The following P4HA1 variants were observed in gnomAD, a reference collection of about 807,000 sequenced individuals.
The protein encoded by P4HA1 is prolyl 4-hydroxylase subunit alpha 1, also known as prolyl 4-hydroxylase subunit alpha-1.
Under a neutral mutation model 72.8 loss-of-function variants are expected in P4HA1, and 24 were observed. That is an observed-to-expected ratio of 0.33 (90% confidence interval 0.24 to 0.46). The LOEUF (loss-of-function observed/expected upper bound fraction) is 0.46. P4HA1 is among the 20% of genes least tolerant of loss of function. The probability of loss-of-function intolerance (pLI) is 1.00; values close to 1 mark genes in which losing one functional copy is unlikely to be tolerated. For missense variants in P4HA1, 446 were observed against 640.6 expected (o/e 0.70, Z 3.28); for synonymous variants, 201 against 218.8 (o/e 0.92, Z 0.72).
intron 7 of P4HA1, among the ~76,000 whole-genome samples, chr10:73,049,298 C>G (rs2133093771): frequency 6.6e-6 from 1 of 152,178 alleles, no homozygotes; most frequent in Middle Eastern, 3.4e-3. Context: ...AATGCAAAGC[C>G]CAGCTTGAGT....
intron 10 of P4HA1, among the ~76,000 whole-genome samples, chr10:73,026,600 A>C (rs1426960431): frequency 6.6e-6 from 1 of 152,228 alleles, no homozygotes; most frequent in Non-Finnish European, 1.5e-5. Context: ...GCCAAAATAT[A>C]CAAGTGGGAT....
intron 1 of P4HA1, among the ~76,000 whole-genome samples, chr10:73,094,073 A>G (rs1307873514): frequency 1.3e-5 from 2 of 151,594 alleles, no homozygotes; most frequent in Admixed American, 6.6e-5. Flanking sequence ...ATTTTTGTTT[A>G]CTTCCAAGCC....
intron 5 of P4HA1, among the ~76,000 whole-genome samples, chr10:73,059,077 C>T (rs1310426784): frequency 6.6e-6 from 1 of 151,754 alleles, no homozygotes; most frequent in Non-Finnish European, 1.5e-5. Context: ...CACGCCCAGC[C>T]AGTACGCTAT....
intron 10 of P4HA1, among the ~76,000 whole-genome samples, chr10:73,022,062 G>A (rs1417451186): frequency 6.6e-6 from 1 of 152,222 alleles, no homozygotes; most frequent in East Asian, 1.9e-4. Flanking sequence ...CTGTGGGCAG[G>A]GCATAGCTGA....
chr10:73,020,309 T>C (rs2133044749), intron 10 of P4HA1, among the ~76,000 whole-genome samples: 1 of 152,052 alleles, frequency 6.6e-6, no homozygotes, highest in African/African-American at 2.4e-5. Context: ...AAGAAATGGA[T>C]AAATTCCTGG....
rs553749043 is a variant in P4HA1, at chr10:73,033,026, AAAGAATATAGCTGATTAAGTATATT to A, written c.1149-2681_1149-2657del. Among the ~76,000 whole-genome samples the A allele has an allele frequency of 2.1e-3, 313 of 152,348 alleles. 1 individual carries two copies. The highest frequency in any genetic ancestry group is 7.2e-3 in the African/African-American group (301 of 41,586). On this transcript the variant is annotated intron_variant, in intron 9 of 14. Coordinates refer to ENST00000394890, the MANE Select transcript of P4HA1 (RefSeq NM_001017962.3). ...GGAAGAATCAAAGTGTTATTGTTGT[AAAGAATATAGCTGATTAAGTATATT>A]AAGAATTTTTTTCTTCTAATTCTGC...
intron 9 of P4HA1, among the ~76,000 whole-genome samples, chr10:73,033,340 C>A (rs1314942740): frequency 5.9e-5 from 9 of 152,158 alleles, no homozygotes; most frequent in Non-Finnish European, 1.3e-4. Flanking sequence ...TCCCTGCTAC[C>A]AACAACTTTT....
In P4HA1 at chr10:73,073,774, C is replaced by A; in HGVS notation, c.130G>T (p.Asp44Tyr). The change falls in exon 3 of 15, where the codon GAT becomes TAT. Residue 44 changes from aspartate to tyrosine, a missense_variant. Transcript: ENST00000394890. ...TTGTCCTCTTCTGCCTTAATATAAT[C>A]TTTCAGAGAAGTCACCAGATCTTTC... Reference protein sequence around the residue: ...TEKDLVTSLKDYIKAEEDKLE... With the variant: ...TEKDLVTSLKYYIKAEEDKLE... 1 of 1,590,856 alleles carries A rather than the reference C, an allele frequency of 6.3e-7. No individual in the cohort carries two copies. The highest frequency in any genetic ancestry group is 8.6e-7 in the Non-Finnish European group (1 of 1,159,220).
chr10:73,065,164 T>G (rs1841390693), intron 5 of P4HA1: 1 of 152,060 alleles, frequency 6.6e-6, no homozygotes, highest in African/African-American at 2.4e-5. Context: ...AACTTCCACA[T>G]GAAGCAAATT....
intron 10 of P4HA1, among the ~76,000 whole-genome samples, chr10:73,026,391 C>T (rs975140259): frequency 1.4e-4 from 22 of 152,158 alleles, no homozygotes; most frequent in Admixed American, 5.2e-4. Context: ...GCTGGGAAAA[C>T]TGGCTAGCCA....
chr10:73,068,700 G>A lies in P4HA1; in HGVS notation c.463+146C>T, dbSNP rs1356835317. The A allele has an allele frequency of 8.0e-6, 5 of 626,040 alleles. No homozygotes were observed. The South Asian group carries it at 1.0e-4, about 13-fold the overall frequency. The allele number at this position is 626,040 out of a possible 1,614,324, so 38.8% of individuals were successfully genotyped here. ...CTATTAAGCCCTAAGAGAAAGGGAA[G>A]GTGATTCTTTAGTCTTCGAAGGCTA... On this transcript the variant is annotated intron_variant, in intron 5 of 14. Coordinates refer to ENST00000394890, the MANE Select transcript of P4HA1 (RefSeq NM_001017962.3).
chr10:73,093,907 T>TATAC (rs1256283876), intron 1 of P4HA1, among the ~76,000 whole-genome samples: 619 of 55,286 alleles, frequency 0.011, 2 homozygotes, highest in East Asian at 0.015. Flanking sequence ...TATATATATA[T>TATAC]ACACACACAC....
rs199809169 is a variant in P4HA1 at position 73,068,855 on chromosome 10, T to C, written c.454A>G (p.Asn152Asp). ...GGAAGAATGATCTTACCTGGAAGAT[T>C]ACCCTTTGAGATGGTATCTGTATCC... ...NLDTDTISKG[N>D]LPGVKHKSFL... The change falls in exon 5 of 15, where the codon AAT (asparagine) becomes GAT (aspartate). Residue 152 changes from asparagine (N) to aspartate (D), a missense_variant. Asn to Asp is a conservative substitution (Grantham distance 23). Transcript: ENST00000394890. The C allele has an allele frequency of 5.7e-5, 92 of 1,612,416 alleles. No individual in the cohort carries two copies. Among genetic ancestry groups the C allele is most frequent in the Non-Finnish European group, 7.0e-5 (83 of 1,178,646 alleles).
At position 73,014,147 on chromosome 10, in the gene P4HA1, CA is replaced by C. The variant is rs1839967024; in HGVS notation, c.1368+76del. 7 of 991,256 alleles carry C rather than the reference CA, an allele frequency of 7.1e-6. No individual in the cohort carries two copies. The South Asian group carries it at 7.9e-5, about 11-fold the overall frequency. 61.4% of individuals were successfully genotyped at this position (991,256 alleles called of 1,614,324 possible). ...ACTAGGATGCTGAATCAGAGCTACA[CA>C]GAACAAACTTAAAACATTAAAATGA... On this transcript the variant is annotated intron_variant, in intron 12 of 14. Coordinates refer to ENST00000394890, the MANE Select transcript of P4HA1 (RefSeq NM_001017962.3).
At chr10:73,071,238 T>C (rs1327192462) in intron 4 of P4HA1, 2 of 148,780 alleles carry the variant, frequency 1.3e-5, no homozygotes, top group Non-Finnish European at 3.0e-5. Flanking sequence ...GTACAGAAAA[T>C]AATCACAGGC....
chr10:73,075,742 A>T (rs531330029), intron 1 of P4HA1, among the ~76,000 whole-genome samples: 144 of 147,858 alleles, frequency 9.7e-4, no homozygotes, highest in African/African-American at 3.4e-3. Flanking sequence ...ATATATATAT[A>T]GTGTGTGTGT....
intron 7 of P4HA1, among the ~76,000 whole-genome samples, chr10:73,049,618 T>C (rs562311611): frequency 2.8e-4 from 42 of 152,314 alleles, no homozygotes; most frequent in Non-Finnish European, 5.9e-5. Flanking sequence ...TCTATTAACA[T>C]CTATAGAACT....
intron 11 of P4HA1, among the ~76,000 whole-genome samples, chr10:73,014,599 T>C (rs1004511567): frequency 6.6e-6 from 1 of 152,168 alleles, no homozygotes; most frequent in Non-Finnish European, 1.5e-5. Context: ...TGAACTTGTA[T>C]ACTGGATACT....
At chr10:73,075,801 CCT>C (rs1841685246) in intron 1 of P4HA1, among the ~76,000 whole-genome samples, 2 of 151,622 alleles carry the variant, frequency 1.3e-5, no homozygotes, top group African/African-American at 2.4e-5. Context: ...AAACTCCTGA[CCT>C]CAGGTGATCC....
Sources: allele counts gnomAD v4.1 joint callset (sites outside exome capture counted in the v4.1 genomes callset), GRCh38; gene constraint gnomAD v4.1.1; transcripts MANE v1.5; gene names NCBI Gene and HGNC (gene_info 2026-07-23, HGNC 2026-07-21).